The following SYNE2 variants were observed in gnomAD, a reference collection of about 807,000 sequenced individuals.
The protein encoded by SYNE2 is spectrin repeat containing nuclear envelope protein 2, also known as nesprin-2.
A neutral mutation model predicts 856.3 loss-of-function variants in SYNE2; 431 were observed. The observed-to-expected ratio is 0.50, with a 90% CI of 0.47 to 0.55. The LOEUF (loss-of-function observed/expected upper bound fraction) is 0.55. Among genes scored for constraint, SYNE2 ranks in the 20% least tolerant of loss-of-function variants. The probability of loss-of-function intolerance (pLI) is 0.00; values close to 1 mark genes in which losing one functional copy is unlikely to be tolerated. For missense variants in SYNE2, 8,129 were observed against 8,023.2 expected (o/e 1.01, Z -0.50); for synonymous variants, 2,923 against 2,872.3 (o/e 1.02, Z -0.56).
chr14:63,810,774 G>A (rs765824471), intron 1 of SYNE2, among the ~76,000 whole-genome samples: 2 of 152,116 alleles, frequency 1.3e-5, no homozygotes, highest in African/African-American at 2.4e-5. Context: ...TTTTGTAAAC[G>A]GAATTGAAAT....
chr14:64,111,957 T>C lies in SYNE2; in HGVS notation c.12610-1384T>C, dbSNP rs560160351. Reference sequence around the variant, plus strand: ...GAAGAAAATTATAATAATAGATTAATGAAGGCAGGGAAGAAATGGCATTTT... The same window carrying C: ...GAAGAAAATTATAATAATAGATTAACGAAGGCAGGGAAGAAATGGCATTTT... On this transcript the variant is annotated intron_variant, in intron 65 of 115. Transcript: ENST00000555002. 3.3e-4 allele frequency among the ~76,000 whole-genome samples: 50 copies of C among 152,276 alleles called. 1 individual carries two copies. The South Asian group carries it at 8.9e-3, about 27-fold the overall frequency.
At chr14:63,777,615 T>G (rs1887158193) in intron 1 of SYNE2, among the ~76,000 whole-genome samples, 1 of 152,200 alleles carries the variant, frequency 6.6e-6, no homozygotes, top group Non-Finnish European at 1.5e-5. Context: ...ATTTTCCACG[T>G]TACAGTTCTG....
At chr14:64,016,440 A>G in intron 32 of SYNE2, 33 bp from the exon 33 acceptor site, 1 of 1,441,680 alleles carries the variant, frequency 6.9e-7, no homozygotes, top group East Asian at 2.3e-5. Flanking sequence ...CTATATCAAA[A>G]TATCAGAAAT....
intron 1 of SYNE2, among the ~76,000 whole-genome samples, chr14:63,783,302 AG>A (rs1887388908): frequency 6.6e-6 from 1 of 152,098 alleles, no homozygotes; most frequent in South Asian, 2.1e-4. Flanking sequence ...CATGATTATA[AG>A]TTTCCTGAGG....
At chr14:64,061,447 G>A (rs556963871) in intron 49 of SYNE2, among the ~76,000 whole-genome samples, 1 of 152,218 alleles carries the variant, frequency 6.6e-6, no homozygotes, top group Non-Finnish European at 1.5e-5. Context: ...CATTTTTAAT[G>A]CCAAATGATT....
chr14:63,816,001 T>A (rs1455539949), intron 1 of SYNE2, among the ~76,000 whole-genome samples: 1 of 150,290 alleles, frequency 6.7e-6, no homozygotes, highest in Non-Finnish European at 1.5e-5. Flanking sequence ...CAGGCTGAAG[T>A]GCAGTGGTGC....
At chr14:63,775,962 G>A (rs1007462332) in intron 1 of SYNE2, among the ~76,000 whole-genome samples, 1 of 152,148 alleles carries the variant, frequency 6.6e-6, no homozygotes, top group African/African-American at 2.4e-5. Context: ...AAATTAGTAA[G>A]CACACCAAGG....
At chr14:64,093,216 G>T in intron 60 of SYNE2, 133 bp from the exon 61 acceptor site, 1 of 997,278 alleles carries the variant, frequency 1.0e-6, no homozygotes, top group South Asian at 1.5e-5. Flanking sequence ...AGGCTACCAC[G>T]TCCTATTGAA....
At chr14:64,036,776 C>A (rs2097093958) in intron 45 of SYNE2, among the ~76,000 whole-genome samples, 1 of 152,084 alleles carries the variant, frequency 6.6e-6, no homozygotes, top group Non-Finnish European at 1.5e-5. Flanking sequence ...AAATAAAATT[C>A]TTATTCTGGT....
At chr14:64,056,828 G>A (rs1473729397) in intron 49 of SYNE2, among the ~76,000 whole-genome samples, 1 of 151,852 alleles carries the variant, frequency 6.6e-6, no homozygotes, top group Admixed American at 6.6e-5. Flanking sequence ...ATGCCACCAC[G>A]CCTGGCTAAT....
intron 1 of SYNE2, among the ~76,000 whole-genome samples, chr14:63,862,653 G>A (rs1272548211): frequency 1.3e-5 from 2 of 152,174 alleles, no homozygotes; most frequent in African/African-American, 4.8e-5. Flanking sequence ...TAGTAAGAAA[G>A]ACTATACACG....
intron 7 of SYNE2, among the ~76,000 whole-genome samples, chr14:63,953,615 ACTTTGAC>A (rs2153435338): frequency 6.6e-6 from 1 of 152,322 alleles, no homozygotes; most frequent in Non-Finnish European, 1.5e-5. Context: ...AAAATCTGCC[ACTTTGAC>A]CATTTTTAAG....
intron 19 of SYNE2, 39 bp from the exon 20 acceptor site, chr14:63,990,372 G>T: frequency 6.3e-7 from 1 of 1,589,920 alleles, no homozygotes; most frequent in Admixed American, 1.7e-5. Context: ...CATATAATCA[G>T]AATGTTTATT....
At chr14:64,221,470 GA>G (rs1284998965) in intron 111 of SYNE2, 105 bp from the exon 112 acceptor site, 24 of 1,609,350 alleles carry the variant, frequency 1.5e-5, no homozygotes, top group Non-Finnish European at 2.0e-5. Context: ...GGTAAGGCCA[GA>G]AAAGCAAATG....
chr14:63,983,675 T>C, intron 17 of SYNE2, 62 bp from the exon 18 acceptor site: 8 of 1,347,142 alleles, frequency 5.9e-6, no homozygotes, highest in Non-Finnish European at 8.4e-6. Context: ...TTACTGTTTG[T>C]AATGTATATT....
intron 1 of SYNE2, among the ~76,000 whole-genome samples, chr14:63,872,272 TA>T (rs1170515689): frequency 1.3e-5 from 2 of 150,438 alleles, no homozygotes; most frequent in Admixed American, 6.6e-5. Context: ...CTACTAAAAA[TA>T]AAAAAAATTA....
intron 96 of SYNE2, among the ~76,000 whole-genome samples, chr14:64,182,020 G>A (rs1173473570): frequency 6.6e-6 from 1 of 152,196 alleles, no homozygotes; most frequent in East Asian, 1.9e-4. Flanking sequence ...TCCAAAGATA[G>A]AGTATGCATA....
At chr14:64,180,385 T>C (rs1184708316) in intron 96 of SYNE2, among the ~76,000 whole-genome samples, 4 of 152,240 alleles carry the variant, frequency 2.6e-5, no homozygotes, top group Admixed American at 6.5e-5. Flanking sequence ...TTTAATTGAA[T>C]TGCATTGAAT....
At chr14:63,956,076 T>G (rs2096238418) in intron 8 of SYNE2, among the ~76,000 whole-genome samples, 1 of 152,256 alleles carries the variant, frequency 6.6e-6, no homozygotes, top group South Asian at 2.1e-4. Flanking sequence ...TTTTAAGATT[T>G]ACCTGCATTA....
Sources: allele counts gnomAD v4.1 joint callset (sites outside exome capture counted in the v4.1 genomes callset), GRCh38; gene constraint gnomAD v4.1.1; transcripts MANE v1.5; gene names NCBI Gene and HGNC (gene_info 2026-07-23, HGNC 2026-07-21).